The following THSD7A variants were observed in gnomAD, a reference collection of about 807,000 sequenced individuals.
THSD7A encodes the protein thrombospondin type 1 domain containing 7A.
Under a neutral mutation model 231.3 loss-of-function variants are expected in THSD7A, and 96 were observed. The observed-to-expected ratio is 0.41, with a 90% CI of 0.35 to 0.49. The LOEUF is 0.49. Among genes scored for constraint, THSD7A ranks in the 20% least tolerant of loss-of-function variants. The pLI, the probability that THSD7A is intolerant of heterozygous loss-of-function variation, is 0.05. For missense variants in THSD7A, 2,290 were observed against 2,070.2 expected (o/e 1.11, Z -2.06); for synonymous variants, 940 against 743.3 (o/e 1.26, Z -4.30).
At chr7:11,781,863 T>C (rs184750126) in intron 1 of THSD7A, among the ~76,000 whole-genome samples, 1 of 152,322 alleles carries the variant, frequency 6.6e-6, no homozygotes, top group East Asian at 1.9e-4. Context: ...TGCATTTTTT[T>C]TCTAATATGT....
At chr7:11,575,538 T>C (rs1790859084) in intron 4 of THSD7A, among the ~76,000 whole-genome samples, 1 of 152,148 alleles carries the variant, frequency 6.6e-6, no homozygotes, top group Non-Finnish European at 1.5e-5. Flanking sequence ...GGTTGGAAAT[T>C]GTGTCTCTGC....
Position 11,406,891 on chromosome 7 carries a change from A to G in THSD7A, c.4062+19T>C. The G allele has an allele frequency of 6.2e-7, 1 of 1,613,372 alleles. No individual in the cohort carries two copies. Among genetic ancestry groups the G allele is most frequent in the Non-Finnish European group, 8.5e-7 (1 of 1,179,650 alleles). ...CAGATAGAGTACACACTTCCTGACA[A>G]CTTCTTGAGATTTGATACCTGCACT... On this transcript the variant is annotated intron_variant, in intron 21 of 27. Coordinates refer to ENST00000423059, the MANE Select transcript of THSD7A (RefSeq NM_015204.3). The surrounding 1 kb of genome is among the most constrained non-coding windows in gnomAD (Gnocchi z 4.7).
intron 1 of THSD7A, among the ~76,000 whole-genome samples, chr7:11,639,626 C>T (rs531235388): frequency 6.6e-6 from 1 of 151,924 alleles, no homozygotes; most frequent in Admixed American, 6.6e-5. Context: ...CGAGATGGCA[C>T]CACTGCACTC....
chr7:11,540,313 C>G (rs1207620117), intron 6 of THSD7A, among the ~76,000 whole-genome samples: 3 of 152,208 alleles, frequency 2.0e-5, no homozygotes, highest in Admixed American at 2.0e-4. Flanking sequence ...AGACAAAAGG[C>G]TAATTTCTCA....
At chr7:11,390,902 T>G (rs950984796) in intron 23 of THSD7A, among the ~76,000 whole-genome samples, 11 of 152,222 alleles carry the variant, frequency 7.2e-5, no homozygotes, top group African/African-American at 2.7e-4. Flanking sequence ...CAGACCCTAT[T>G]TGCCTGGATA....
intron 6 of THSD7A, 46 bp downstream of exon 6, chr7:11,541,373 G>A (rs1205427371): frequency 5.1e-6 from 8 of 1,560,322 alleles, no homozygotes; most frequent in Non-Finnish European, 7.1e-6. Flanking sequence ...AAACATATAT[G>A]CAGGGTTGGA....
At chr7:11,435,290 TC>T (rs2128291684) in intron 13 of THSD7A, among the ~76,000 whole-genome samples, 1 of 152,210 alleles carries the variant, frequency 6.6e-6, no homozygotes, top group Admixed American at 6.6e-5. Context: ...GGTAGGTCTC[TC>T]GGCCCTGAAA....
At chr7:11,807,434 A>C (rs540310816) in intron 1 of THSD7A, among the ~76,000 whole-genome samples, 165 of 152,310 alleles carry the variant, frequency 1.1e-3, no homozygotes, top group Non-Finnish European at 2.1e-3. Flanking sequence ...TTATTTTTGT[A>C]GTATTAATCA....
chr7:11,495,071 T>C (rs527329713), intron 6 of THSD7A, among the ~76,000 whole-genome samples: 1 of 152,162 alleles, frequency 6.6e-6, no homozygotes, highest in South Asian at 2.1e-4. Flanking sequence ...ATTTCAGTAA[T>C]GCTTTTATGG....
chr7:11,666,791 AG>A (rs1458077710), intron 1 of THSD7A, among the ~76,000 whole-genome samples: 3 of 151,702 alleles, frequency 2.0e-5, no homozygotes, highest in Non-Finnish European at 4.4e-5. Context: ...TTAAACGTGG[AG>A]GCTGATATTC....
chr7:11,567,325 C>T (rs1458000548), intron 4 of THSD7A, among the ~76,000 whole-genome samples: 1 of 151,938 alleles, frequency 6.6e-6, no homozygotes, highest in Middle Eastern at 3.2e-3. Flanking sequence ...CCTTATAAAA[C>T]CATCAAATCT....
At chr7:11,388,425 G>A (rs1458396511) in intron 23 of THSD7A, among the ~76,000 whole-genome samples, 3 of 152,126 alleles carry the variant, frequency 2.0e-5, no homozygotes, top group South Asian at 2.1e-4. Flanking sequence ...TTTGGAGGAT[G>A]TATGTGTCCA....
intron 4 of THSD7A, among the ~76,000 whole-genome samples, chr7:11,544,951 C>A (rs1288482990): frequency 6.6e-6 from 1 of 151,916 alleles, no homozygotes; most frequent in Non-Finnish European, 1.5e-5. Context: ...GCAGCCGAAG[C>A]CAAAAATGAT....
chr7:11,557,565 G>A (rs1181136758), intron 4 of THSD7A, among the ~76,000 whole-genome samples: 1 of 152,014 alleles, frequency 6.6e-6, no homozygotes, highest in Non-Finnish European at 1.5e-5. Context: ...CAAGACTCTA[G>A]ATCTTTTAAA....
chr7:11,640,781 TAAAAG>T lies in THSD7A; in HGVS notation c.191-3825_191-3821del, dbSNP rs200098631. ...CAAGATGTACAAATGCCTTAAGAAA[TAAAAG>T]AAAACAGCCCATATAAAAGTTTAAT... On this transcript the variant is annotated intron_variant, in intron 1 of 27. Transcript: ENST00000423059. Among the ~76,000 whole-genome samples, 1,179 of 152,212 alleles carry T rather than the reference TAAAAG, an allele frequency of 7.7e-3. 11 individuals carry two copies. Among genetic ancestry groups the T allele is most frequent in the African/African-American group, 0.027 (1,111 of 41,564 alleles).
chr7:11,573,661 T>G (rs1218962824), intron 4 of THSD7A, among the ~76,000 whole-genome samples: 1 of 152,214 alleles, frequency 6.6e-6, no homozygotes, highest in Non-Finnish European at 1.5e-5. Context: ...TATGTTTGCT[T>G]TCTGATTATT....
chr7:11,710,506 A>G (rs1343473480), intron 1 of THSD7A, among the ~76,000 whole-genome samples: 1 of 150,844 alleles, frequency 6.6e-6, no homozygotes, highest in African/African-American at 2.4e-5. Context: ...TGAAAGTCCC[A>G]AGGAAGTAGA....
intron 4 of THSD7A, among the ~76,000 whole-genome samples, chr7:11,568,941 T>C (rs1204702482): frequency 6.6e-6 from 1 of 150,814 alleles, no homozygotes; most frequent in Admixed American, 6.6e-5. Flanking sequence ...CAAAATGTAC[T>C]TATTGAAAAA....
At chr7:11,702,702 G>C (rs892896439) in intron 1 of THSD7A, among the ~76,000 whole-genome samples, 5 of 151,148 alleles carry the variant, frequency 3.3e-5, no homozygotes, top group Non-Finnish European at 5.9e-5. Context: ...AATTCTACCT[G>C]AGCAAATTAA....
Sources: allele counts gnomAD v4.1 joint callset (sites outside exome capture counted in the v4.1 genomes callset), GRCh38; gene constraint gnomAD v4.1.1; non-coding constraint Gnocchi (gnomAD v3.1); transcripts MANE v1.5; gene names NCBI Gene and HGNC (gene_info 2026-07-23, HGNC 2026-07-21).